Variants in FSTL4 observed in about 807,000 individuals in gnomAD.
FSTL4 encodes follistatin like 4.
In FSTL4, 28 loss-of-function variants were observed where a neutral mutation model predicts 78.2. The ratio of observed to expected loss-of-function variants is 0.36; its 90% confidence interval spans 0.27 to 0.49. The LOEUF (loss-of-function observed/expected upper bound fraction) is 0.49, where lower values mean the gene tolerates loss of function less well. Among genes scored for constraint, FSTL4 ranks in the 20% least tolerant of loss-of-function variants. The pLI is 0.98. For synonymous variants in FSTL4, 422 were observed against 440.5 expected, an observed-to-expected ratio of 0.96 and a Z score of 0.53; for missense variants, 922 against 1,084.9, an observed-to-expected ratio of 0.85 and a Z score of 2.11.
intron 6 of FSTL4, among the ~76,000 whole-genome samples, chr5:133,306,879 T>C (rs1232720856): frequency 1.3e-5 from 2 of 152,182 alleles, no homozygotes; most frequent in Admixed American, 6.5e-5. Flanking sequence ...AACAATGGCA[T>C]GGCACAGGGT....
intron 6 of FSTL4, among the ~76,000 whole-genome samples, chr5:133,273,430 C>G (rs1214594330): frequency 6.6e-6 from 1 of 152,202 alleles, no homozygotes; most frequent in Admixed American, 6.5e-5. Context: ...AGACTTAGCT[C>G]TAGAGTCCTC....
At chr5:133,447,183 C>T (rs1757286558) in intron 3 of FSTL4, among the ~76,000 whole-genome samples, 1 of 152,208 alleles carries the variant, frequency 6.6e-6, no homozygotes, top group Non-Finnish European at 1.5e-5. Flanking sequence ...GGTGAGGTGT[C>T]ACCACCAGCC....
intron 1 of FSTL4, among the ~76,000 whole-genome samples, chr5:133,607,661 C>T (rs1761004579): frequency 1.3e-5 from 2 of 152,178 alleles, no homozygotes; most frequent in Admixed American, 1.3e-4. Flanking sequence ...TTTTGATAAA[C>T]AGTTGTTTTT....
At chr5:133,517,940 G>A (rs1030815769) in intron 3 of FSTL4, among the ~76,000 whole-genome samples, 2 of 152,178 alleles carry the variant, frequency 1.3e-5, no homozygotes, top group Admixed American at 6.5e-5. Flanking sequence ...ACATTATGGA[G>A]GGTAATCTGC....
At chr5:133,654,937 C>T in the FSTL4 span, among the ~76,000 whole-genome samples, 1 of 152,182 alleles carries the variant, frequency 6.6e-6, no homozygotes, top group South Asian at 2.1e-4. Flanking sequence ...TCCACTGCTT[C>T]AAACTTCCCT....
intron 2 of FSTL4, among the ~76,000 whole-genome samples, chr5:133,576,342 T>C (rs983553144): frequency 6.6e-6 from 1 of 152,102 alleles, no homozygotes; most frequent in African/African-American, 2.4e-5. Context: ...AGGTCTTTGG[T>C]TAGGGAGTAA....
chr5:133,355,385 T>C (rs1053720756), intron 4 of FSTL4, among the ~76,000 whole-genome samples: 1 of 152,176 alleles, frequency 6.6e-6, no homozygotes, highest in Non-Finnish European at 1.5e-5. Context: ...GGGCTGGGCA[T>C]GGTGGCTCAC....
intron 4 of FSTL4, among the ~76,000 whole-genome samples, chr5:133,373,271 C>A (rs1234152376): frequency 6.6e-6 from 1 of 152,246 alleles, no homozygotes; most frequent in African/African-American, 2.4e-5. Flanking sequence ...CTGCAGCCAA[C>A]AAGAGCTGAC....
At chr5:133,705,614 G>A in the FSTL4 span, among the ~76,000 whole-genome samples, 2 of 152,082 alleles carry the variant, frequency 1.3e-5, no homozygotes, top group Non-Finnish European at 1.5e-5. Flanking sequence ...TGATCCTGCA[G>A]GGATCTTCCT....
At chr5:133,250,578 A>G (rs1448468744) in intron 6 of FSTL4, among the ~76,000 whole-genome samples, 2 of 152,218 alleles carry the variant, frequency 1.3e-5, no homozygotes, top group Non-Finnish European at 2.9e-5. Flanking sequence ...CCTGAACTGG[A>G]ACGAAGCAGA....
At chr5:133,691,842 T>C in the FSTL4 span, among the ~76,000 whole-genome samples, 1 of 152,148 alleles carries the variant, frequency 6.6e-6, no homozygotes. Flanking sequence ...GCTGAGAACA[T>C]CTCAGTGACG....
At chr5:133,583,032 T>C (rs256265) in intron 2 of FSTL4, among the ~76,000 whole-genome samples, 68,166 of 151,928 alleles carry the variant, frequency 0.45, 15,771 homozygotes, top group East Asian at 0.61. Context: ...GCCTGACACT[T>C]CCACCTCTAA....
the FSTL4 span, among the ~76,000 whole-genome samples, chr5:133,661,042 G>A: frequency 1.3e-5 from 2 of 152,192 alleles, no homozygotes; most frequent in South Asian, 2.1e-4. Flanking sequence ...CCAGGCTGGA[G>A]TGCAATGGCA....
chr5:133,265,389 T>C (rs1255348138), intron 6 of FSTL4, among the ~76,000 whole-genome samples: 3 of 152,120 alleles, frequency 2.0e-5, no homozygotes, highest in African/African-American at 7.2e-5. Context: ...AACTCAAACT[T>C]GGCAGCTGAA....
At chr5:133,577,173 G>C (rs1415144339) in intron 2 of FSTL4, among the ~76,000 whole-genome samples, 5 of 152,214 alleles carry the variant, frequency 3.3e-5, no homozygotes, top group Admixed American at 2.0e-4. Flanking sequence ...GAGAAGGTGA[G>C]AGAATTAACC....
chr5:133,468,685 C>T (rs888697400), intron 3 of FSTL4, among the ~76,000 whole-genome samples: 1 of 152,180 alleles, frequency 6.6e-6, no homozygotes, highest in African/African-American at 2.4e-5. Flanking sequence ...AGGTCCCAGA[C>T]CTGAGACTCA....
At chr5:133,306,715 C>A (rs1753666508) in intron 6 of FSTL4, among the ~76,000 whole-genome samples, 1 of 152,194 alleles carries the variant, frequency 6.6e-6, no homozygotes. Context: ...GACTCCTCTC[C>A]TTGCCCGATG....
Position 133,199,226 on chromosome 5 carries a change from G to A in FSTL4, c.2398C>T (p.Leu800=). ...GTHRIMRDSG[L]FGQYLLTPAR... Reference sequence around the variant, plus strand: ...GGTGTGAGGAGGTACTGTCCAAACAGCCCACTGTCCCTCATGATTCTGTGG... The same window carrying A: ...GGTGTGAGGAGGTACTGTCCAAACAACCCACTGTCCCTCATGATTCTGTGG... Residue 800 remains leucine, a synonymous_variant, in exon 16 of 16, where the codon CTG becomes TTG. Transcript: ENST00000265342. This position sits in a 1 kb window ranked among gnomAD's most constrained non-coding sequence, Gnocchi z 4.4. The A allele has an allele frequency of 6.2e-7, 1 of 1,613,410 alleles. No homozygotes were observed. Among genetic ancestry groups the A allele is most frequent in the Non-Finnish European group, 8.5e-7 (1 of 1,179,400 alleles).
At chr5:133,641,585 T>G in the FSTL4 span, among the ~76,000 whole-genome samples, 1 of 152,198 alleles carries the variant, frequency 6.6e-6, no homozygotes, top group African/African-American at 2.4e-5. Context: ...TGAATATATT[T>G]GCATGTTTGT....
Sources: gnomAD v4.1 joint callset for allele counts (sites outside exome capture counted in the v4.1 genomes callset) on GRCh38, gnomAD v4.1.1 for gene constraint, Gnocchi (gnomAD v3.1) non-coding constraint, MANE v1.5 for transcripts, NCBI Gene and HGNC (gene_info 2026-07-23, HGNC 2026-07-21) for gene names.